SORCS3: variants seen among roughly 807,000 people sequenced by gnomAD.
SORCS3 encodes sortilin related VPS10 domain containing receptor 3.
SORCS3 carries 57 observed loss-of-function variants against 146.3 expected under a neutral mutation model. The ratio of observed to expected loss-of-function variants is 0.39; its 90% CI spans 0.31 to 0.49. The LOEUF (loss-of-function observed/expected upper bound fraction) is 0.49. SORCS3 is among the 20% of genes least tolerant of loss of function. The probability of loss-of-function intolerance (pLI) is 0.92; values close to 1 mark genes in which losing one functional copy is unlikely to be tolerated. For synonymous variants in SORCS3, 653 were observed against 618.5 expected, an observed-to-expected ratio of 1.06 and a Z score of -0.83; for missense variants, 1,341 against 1,575.5, an observed-to-expected ratio of 0.85 and a Z score of 2.52.
At chr10:104,697,561 A>C (rs1289023623) in intron 1 of SORCS3, among the ~76,000 whole-genome samples, 1 of 152,140 alleles carries the variant, frequency 6.6e-6, no homozygotes, top group Non-Finnish European at 1.5e-5. Flanking sequence ...TTTTCTTTAC[A>C]TCAAAGTTAG....
At chr10:105,196,999 G>A (rs1181637002) in intron 14 of SORCS3, among the ~76,000 whole-genome samples, 2 of 151,970 alleles carry the variant, frequency 1.3e-5, no homozygotes, top group Admixed American at 6.6e-5. Context: ...CTTTGGCTTG[G>A]GCTGCATAAC....
At chr10:104,656,835 A>C (rs1036646350) in intron 1 of SORCS3, among the ~76,000 whole-genome samples, 2 of 152,202 alleles carry the variant, frequency 1.3e-5, no homozygotes, top group Non-Finnish European at 2.9e-5. Context: ...GGAGAGGTTG[A>C]TGGCTTGGAT....
intron 1 of SORCS3, among the ~76,000 whole-genome samples, chr10:104,753,576 T>C (rs1029461064): frequency 2.6e-5 from 4 of 152,216 alleles, no homozygotes. Flanking sequence ...TTCCTAATAC[T>C]ATACGAATGA....
intron 1 of SORCS3, among the ~76,000 whole-genome samples, chr10:104,725,879 G>T (rs908137970): frequency 6.6e-6 from 1 of 152,194 alleles, no homozygotes; most frequent in African/African-American, 2.4e-5. Context: ...TCTGTCACCC[G>T]TTTCTTTGAG....
At chr10:104,980,470 C>T (rs1296793751) in intron 4 of SORCS3, among the ~76,000 whole-genome samples, 1 of 152,148 alleles carries the variant, frequency 6.6e-6, no homozygotes, top group Non-Finnish European at 1.5e-5. Flanking sequence ...TGCTGTGCAG[C>T]AGCAAATGAA....
chr10:105,063,960 T>C (rs1307226253), intron 5 of SORCS3, among the ~76,000 whole-genome samples: 4 of 152,218 alleles, frequency 2.6e-5, no homozygotes, highest in Non-Finnish European at 5.9e-5. Flanking sequence ...TGGTAGCAGC[T>C]CTGAGCATGC....
chr10:104,695,386 C>T (rs1221264768), intron 1 of SORCS3, among the ~76,000 whole-genome samples: 2 of 149,662 alleles, frequency 1.3e-5, no homozygotes, highest in Non-Finnish European at 3.0e-5. Context: ...TGGGAATGGT[C>T]AGGATATTGG....
chr10:104,688,372 G>C (rs555038723), intron 1 of SORCS3, among the ~76,000 whole-genome samples: 3 of 152,336 alleles, frequency 2.0e-5, no homozygotes, highest in South Asian at 4.1e-4. Context: ...GCAGTTGGAG[G>C]GGGGGACCCA....
rs1459403419 is a variant in SORCS3 at position 104,842,855 on chromosome 10, T to C, written c.691T>C (p.Trp231Arg). The C allele has an allele frequency of 1.2e-6, 2 of 1,613,580 alleles. No individual in the cohort carries two copies. The highest frequency in any genetic ancestry group is 1.7e-6 in the Non-Finnish European group (2 of 1,179,534). Reference sequence around the variant, plus strand: ...GGGCAGCGTGACTGAGAGTTCACTATGGAGGTAAGCAGATTAGAGATTCTT... The same window carrying C: ...GGGCAGCGTGACTGAGAGTTCACTACGGAGGTAAGCAGATTAGAGATTCTT... ...NLGSVTESSL[W>R]RSTDYGTTYE... The change falls in exon 2 of 27, where the codon TGG becomes CGG. Residue 231 changes from tryptophan (W) to arginine (R), a missense_variant. Coordinates refer to ENST00000369701, the MANE Select transcript of SORCS3 (RefSeq NM_014978.3).
chr10:104,805,015 T>A (rs372630834), intron 1 of SORCS3, among the ~76,000 whole-genome samples: 1 of 152,182 alleles, frequency 6.6e-6, no homozygotes, highest in East Asian at 1.9e-4. Flanking sequence ...TCACCCTTAG[T>A]TGATTCTCAG....
intron 1 of SORCS3, among the ~76,000 whole-genome samples, chr10:104,653,112 C>G (rs1383801986): frequency 6.6e-6 from 1 of 152,136 alleles, no homozygotes; most frequent in African/African-American, 2.4e-5. Flanking sequence ...ATCACCAAAC[C>G]TGGGTCACTT....
chr10:104,995,177 T>TG lies in SORCS3; in HGVS notation c.954+17687dup, dbSNP rs1554866140. Among the ~76,000 whole-genome samples the TG allele has an allele frequency of 2.2e-3, 335 of 149,564 alleles. 1 individual carries two copies. Among genetic ancestry groups the TG allele is most frequent in the African/African-American group, 7.4e-3 (300 of 40,460 alleles). On this transcript the variant is annotated intron_variant, in intron 4 of 26. Coordinates refer to ENST00000369701, the MANE Select transcript of SORCS3 (RefSeq NM_014978.3). ...TTCTTTCTTTCTCTTTTTTTTTTTTTGGGATGGAGTCTTGCTCTGTCGTCC... is the reference window on the plus strand; with the variant it reads ...TTCTTTCTTTCTCTTTTTTTTTTTTTGGGGATGGAGTCTTGCTCTGTCGTCC...
At chr10:104,817,764 G>C (rs944711113) in intron 1 of SORCS3, among the ~76,000 whole-genome samples, 3 of 143,524 alleles carry the variant, frequency 2.1e-5, no homozygotes. Context: ...GTAAGGGGGT[G>C]GGCAGATGAA....
intron 1 of SORCS3, among the ~76,000 whole-genome samples, chr10:104,723,290 TGA>T (rs2016574440): frequency 6.6e-6 from 1 of 152,242 alleles, no homozygotes; most frequent in South Asian, 2.1e-4. Context: ...TGAGCAGTTT[TGA>T]GAGAGTTTCT....
intron 1 of SORCS3, among the ~76,000 whole-genome samples, chr10:104,678,939 A>G (rs1426520053): frequency 6.6e-6 from 1 of 152,218 alleles, no homozygotes; most frequent in Non-Finnish European, 1.5e-5. Flanking sequence ...AAAATAAACC[A>G]TTACAAATAT....
chr10:104,889,019 G>T (rs1010773473), intron 2 of SORCS3, among the ~76,000 whole-genome samples: 3 of 152,162 alleles, frequency 2.0e-5, no homozygotes, highest in South Asian at 4.1e-4. Flanking sequence ...TGGAAAGATT[G>T]ATTACTTTAT....
At chr10:105,015,021 T>C (rs910387333) in intron 4 of SORCS3, among the ~76,000 whole-genome samples, 3 of 152,150 alleles carry the variant, frequency 2.0e-5, no homozygotes, top group African/African-American at 4.8e-5. Flanking sequence ...AAAATTAACA[T>C]GAAAAAAGGC....
chr10:104,707,741 G>C (rs1405721945), intron 1 of SORCS3, among the ~76,000 whole-genome samples: 1 of 152,210 alleles, frequency 6.6e-6, no homozygotes, highest in African/African-American at 2.4e-5. Flanking sequence ...AAGGCTGAGA[G>C]CTAGTTAAAA....
intron 5 of SORCS3, among the ~76,000 whole-genome samples, chr10:105,044,892 T>G (rs1053861245): frequency 6.7e-6 from 1 of 150,046 alleles, no homozygotes; most frequent in African/African-American, 2.4e-5. Context: ...ACTATGGAGG[T>G]TTTTCAATAG....
Sources: gnomAD v4.1 joint callset for allele counts (sites outside exome capture counted in the v4.1 genomes callset) on GRCh38, gnomAD v4.1.1 for gene constraint, MANE v1.5 for transcripts, NCBI Gene and HGNC (gene_info 2026-07-23, HGNC 2026-07-21) for gene names.